The following SLC8A3 variants were observed in gnomAD, a reference collection of about 807,000 sequenced individuals.
SLC8A3 encodes sodium/calcium exchanger 3.
A neutral mutation model predicts 65.4 loss-of-function variants in SLC8A3; 37 were observed. That is an observed-to-expected ratio of 0.57 (90% CI 0.44 to 0.74). The LOEUF is 0.74. SLC8A3 is among the 30% of genes least tolerant of loss of function. The probability of loss-of-function intolerance (pLI) is 0.00; values close to 1 mark genes in which losing one functional copy is unlikely to be tolerated. For missense variants in SLC8A3, 1,112 were observed against 1,172.1 expected (o/e 0.95, Z 0.75); for synonymous variants, 461 against 444.5 (o/e 1.04, Z -0.47).
chr14:70,055,914 T>C (rs1293803511), intron 3 of SLC8A3: 1 of 1,093,536 alleles, frequency 9.1e-7, no homozygotes, highest in Non-Finnish European at 1.3e-6. Context: ...GCTGGCAGCA[T>C]AAGGAAAGCA....
At chr14:70,154,185 G>C (rs1355352071) in intron 2 of SLC8A3, among the ~76,000 whole-genome samples, 1 of 152,356 alleles carries the variant, frequency 6.6e-6, no homozygotes, top group East Asian at 1.9e-4. Flanking sequence ...ATGAGGAAAA[G>C]GGAGCCTGCT....
intron 2 of SLC8A3, among the ~76,000 whole-genome samples, chr14:70,096,310 C>T (rs1892174781): frequency 6.6e-6 from 1 of 152,204 alleles, no homozygotes; most frequent in Non-Finnish European, 1.5e-5. Flanking sequence ...GCTACATTGT[C>T]ACTGGTTGTT....
chr14:70,063,778 G>C (rs1594916854), intron 2 of SLC8A3: 2 of 1,040,710 alleles, frequency 1.9e-6, no homozygotes, highest in East Asian at 4.9e-5. Flanking sequence ...AAACAGAAGA[G>C]GAGAGAAGAA....
chr14:70,171,423 T>C (rs1044257821), intron 1 of SLC8A3, among the ~76,000 whole-genome samples: 3 of 152,212 alleles, frequency 2.0e-5, no homozygotes, highest in African/African-American at 7.2e-5. Flanking sequence ...TTCTGGGCAA[T>C]GTGCTATCAT....
intron 1 of SLC8A3, among the ~76,000 whole-genome samples, chr14:70,170,896 A>G (rs1236124709): frequency 1.3e-5 from 2 of 152,172 alleles, no homozygotes; most frequent in Non-Finnish European, 1.5e-5. Flanking sequence ...CCTCACTCAG[A>G]GGAGAAGAGG....
chr14:70,093,373 A>C (rs1891934693), intron 2 of SLC8A3, among the ~76,000 whole-genome samples: 2 of 152,176 alleles, frequency 1.3e-5, no homozygotes, highest in Admixed American at 1.3e-4. Flanking sequence ...AGAACAGCTG[A>C]GATGGACACT....
intron 2 of SLC8A3, among the ~76,000 whole-genome samples, chr14:70,142,268 A>G (rs1412556996): frequency 6.6e-6 from 1 of 152,248 alleles, no homozygotes; most frequent in African/African-American, 2.4e-5. Flanking sequence ...CTGTTCTTGC[A>G]GAGCTCAGAA....
intron 2 of SLC8A3, among the ~76,000 whole-genome samples, chr14:70,099,965 C>T (rs866435292): frequency 6.6e-6 from 1 of 152,170 alleles, no homozygotes; most frequent in South Asian, 2.1e-4. Flanking sequence ...TGTTAAGATC[C>T]CTGTGCTGAC....
intron 1 of SLC8A3, among the ~76,000 whole-genome samples, chr14:70,169,148 C>G (rs1490860494): frequency 6.6e-6 from 1 of 152,132 alleles, no homozygotes; most frequent in African/African-American, 2.4e-5. Context: ...TTAAACAGAG[C>G]AATAAACCTT....
rs768378868 is a variant in SLC8A3 at position 70,046,199 on chromosome 14, G to A, written c.2514C>T (p.Ala838=). 8 of 1,614,234 alleles carry A rather than the reference G, an allele frequency of 5.0e-6. No homozygotes were observed. In the South Asian group the frequency reaches 8.8e-5, roughly 18 times the overall value. The change falls in exon 7 of 7, where the codon GCC becomes GCT. Residue 838 remains alanine (A), a synonymous_variant. Coordinates refer to ENST00000356921, the MANE Select transcript of SLC8A3 (RefSeq NM_182932.3). The surrounding 1 kb of genome is among the most constrained non-coding windows in gnomAD (Gnocchi z 4.2). ...CCTGTCCCTGCAGAGCCCAGTAGAT[G>A]GCGGCCACGGACCAGGCCAGGCCGA... The part of the protein sequence containing the change: ...LGIGLAWSVA[A]IYWALQGQEF...
chr14:70,098,588 G>A (rs1227301989), intron 2 of SLC8A3, among the ~76,000 whole-genome samples: 1 of 152,186 alleles, frequency 6.6e-6, no homozygotes, highest in Non-Finnish European at 1.5e-5. Context: ...TGGCCCAGCA[G>A]CGCTTTCTGG....
intron 2 of SLC8A3, among the ~76,000 whole-genome samples, chr14:70,071,782 C>T (rs1890036282): frequency 6.6e-6 from 1 of 152,218 alleles, no homozygotes; most frequent in South Asian, 2.1e-4. Context: ...ATTTGCTACA[C>T]AGCAACAGAC....
Position 70,049,030 on chromosome 14 carries a change from T to C in SLC8A3, c.2126A>G (p.Asp709Gly), listed in dbSNP as rs777840672. ...AITVSAAGDEDEDESGEERLP... is the reference protein window; with the variant it reads ...AITVSAAGDEGEDESGEERLP... ...CCTCTCCTCCCCGGATTCATCCTCATCCTCATCCCCTGCTGAAGGCAAGAT... is the reference window on the plus strand; with the variant it reads ...CCTCTCCTCCCCGGATTCATCCTCACCCTCATCCCCTGCTGAAGGCAAGAT... The change falls in exon 6 of 7, where the codon GAT becomes GGT. Residue 709 changes from aspartate to glycine, a missense_variant. By Grantham distance (94) the Asp-to-Gly change is moderately conservative. Transcript: ENST00000356921. The C allele has an allele frequency of 1.1e-5, 17 of 1,607,680 alleles. No individual in the cohort carries two copies. Among genetic ancestry groups the C allele is most frequent in the Non-Finnish European group, 1.4e-5 (17 of 1,175,658 alleles).
At chr14:70,063,888 T>A in intron 2 of SLC8A3, 1 of 1,612,038 alleles carries the variant, frequency 6.2e-7, no homozygotes, top group Non-Finnish European at 8.5e-7. Context: ...CTTGTTTTTC[T>A]CATATGCCTC....
intron 2 of SLC8A3, among the ~76,000 whole-genome samples, chr14:70,144,323 TTTTTTTTTAAA>T (rs1483707943): frequency 1.4e-5 from 2 of 143,200 alleles, no homozygotes; most frequent in Non-Finnish European, 3.1e-5. Context: ...TTTTTTTTTT[TTTTTTTTTAAA>T]AAAAAAAAAA....
intron 2 of SLC8A3, among the ~76,000 whole-genome samples, chr14:70,160,931 C>T (rs116038802): frequency 5.4e-4 from 81 of 150,100 alleles, no homozygotes; most frequent in African/African-American, 1.9e-3. Context: ...GACACAATAG[C>T]TAAAGCTTCT....
chr14:70,068,688 A>T (rs1346901467), intron 2 of SLC8A3, among the ~76,000 whole-genome samples: 3 of 151,918 alleles, frequency 2.0e-5, no homozygotes, highest in African/African-American at 7.3e-5. Context: ...CAGGCCTCTT[A>T]TTTCATTCTT....
rs114652689 is a variant in SLC8A3, at chr14:70,183,035, G to A, written c.-63+5344C>T. Among the ~76,000 whole-genome samples, 434 of 152,260 alleles carry A rather than the reference G, an allele frequency of 2.9e-3. 3 individuals are homozygous for A. Among genetic ancestry groups the A allele is most frequent in the African/African-American group, 9.8e-3 (409 of 41,528 alleles). ...ATGCTGACGAAGCTCACACTGTTTG[G>A]TTTCATTCTTTTGGACTTCGAGGTC... is the stretch of plus-strand genomic sequence containing the variant. On this transcript the variant is annotated intron_variant, in intron 1 of 6. Coordinates refer to ENST00000356921, the MANE Select transcript of SLC8A3 (RefSeq NM_182932.3).
At position 70,046,204 on chromosome 14, in the gene SLC8A3, C is replaced by G. The variant is rs1234450184; in HGVS notation, c.2509G>C (p.Ala837Pro). 6.2e-7 allele frequency: 1 copy of G among 1,614,090 alleles called. No individual in the cohort carries two copies. Among genetic ancestry groups the G allele is most frequent in the Non-Finnish European group, 8.5e-7 (1 of 1,180,044 alleles). Residue 837 changes from alanine to proline, a missense_variant, in exon 7 of 7, where the codon GCC becomes CCC. By Grantham distance (27) the Ala-to-Pro change is conservative. Coordinates refer to ENST00000356921, the MANE Select transcript of SLC8A3 (RefSeq NM_182932.3). This position sits in a 1 kb window ranked among gnomAD's most constrained non-coding sequence, Gnocchi z 4.2. ...FLGIGLAWSV[A>P]AIYWALQGQE... The stretch of plus-strand genomic sequence containing the variant: ...CCCTGCAGAGCCCAGTAGATGGCGG[C>G]CACGGACCAGGCCAGGCCGATGCCC...
Sources: allele counts gnomAD v4.1 joint callset (sites outside exome capture counted in the v4.1 genomes callset), GRCh38; gene constraint gnomAD v4.1.1; non-coding constraint Gnocchi (gnomAD v3.1); transcripts MANE v1.5; gene names NCBI Gene and HGNC (gene_info 2026-07-23, HGNC 2026-07-21).